The following CSTL1 variants were observed in gnomAD, a reference collection of about 807,000 sequenced individuals.
CSTL1 encodes cystatin-like 1.
CSTL1 carries 14 observed loss-of-function variants against 14.4 expected under a neutral mutation model. The ratio of observed to expected loss-of-function variants is 0.97; its 90% CI spans 0.64 to 1.52. CSTL1 has a LOEUF of 1.52. Among genes scored for constraint, CSTL1 ranks in the 40% most tolerant of loss-of-function variants. CSTL1 has a pLI of 0.00. For synonymous variants in CSTL1, 72 were observed against 67.5 expected, an observed-to-expected ratio of 1.07 and a Z score of -0.33; for missense variants, 170 against 168.7, an observed-to-expected ratio of 1.01 and a Z score of -0.04.
chr20:23,447,305 A>G (rs889006227), downstream of CSTL1, among the ~76,000 whole-genome samples: 3 of 152,090 alleles, frequency 2.0e-5, no homozygotes, highest in Non-Finnish European at 4.4e-5. Flanking sequence ...CACTTTCTTT[A>G]TTGTATAGAA....
chr20:23,441,922 G>A (rs371936672), intron 2 of CSTL1, among the ~76,000 whole-genome samples: 118 of 152,304 alleles, frequency 7.7e-4, no homozygotes, highest in African/African-American at 2.5e-3. Context: ...GGAGGGCAGC[G>A]TGGGGAGGAC....
chr20:23,450,820 G>A, the CSTL1 span, among the ~76,000 whole-genome samples: 1 of 152,168 alleles, frequency 6.6e-6, no homozygotes. Flanking sequence ...TAAAGTGTCT[G>A]CGCAGCCCAT....
At chr20:23,451,692 C>G in the CSTL1 span, 6 of 646,580 alleles carry the variant, frequency 9.3e-6, no homozygotes, top group South Asian at 1.1e-4. Flanking sequence ...GAGGTGTTAC[C>G]CATGCATTCT....
intron 2 of CSTL1, among the ~76,000 whole-genome samples, chr20:23,443,472 C>T (rs960301241): frequency 3.9e-5 from 6 of 152,034 alleles, no homozygotes; most frequent in East Asian, 1.9e-4. Flanking sequence ...CAAATCAATT[C>T]GATTCCAAAA....
At chr20:23,444,416 C>A (rs6048798) in intron 3 of CSTL1, among the ~76,000 whole-genome samples, 1 of 152,248 alleles carries the variant, frequency 6.6e-6, no homozygotes, top group Admixed American at 6.5e-5. Context: ...ATGAGTGGCA[C>A]CCCTTGAAAG....
In CSTL1 at chr20:23,440,303, G is replaced by C. The variant is rs1986796098; in HGVS notation, c.36G>C (p.Leu12=). 6.2e-7 allele frequency: 1 copy of C among 1,614,082 alleles called. No homozygotes were observed. Among genetic ancestry groups the C allele is most frequent in the Admixed American group, 1.7e-5 (1 of 60,002 alleles). Reference sequence around the variant, plus strand: ...GATGCTGGAGAAACCCCCTGCTGCTGCTGATTGCCCTGGTCCTGTCAGCCA... The same window carrying C: ...GATGCTGGAGAAACCCCCTGCTGCTCCTGATTGCCCTGGTCCTGTCAGCCA... ...GIGCWRNPLL[L]LIALVLSAKL... The change falls in exon 2 of 4, where the codon CTG becomes CTC. Residue 12 remains leucine, a synonymous_variant. Coordinates refer to ENST00000347397, the MANE Select transcript of CSTL1 (RefSeq NM_138283.1).
intron 2 of CSTL1, among the ~76,000 whole-genome samples, chr20:23,441,358 A>G (rs973246434): frequency 6.6e-6 from 1 of 152,226 alleles, no homozygotes; most frequent in Admixed American, 6.5e-5. Flanking sequence ...TTTCTCTGAA[A>G]TATATCAATT....
At position 23,440,169 on chromosome 20, in the gene CSTL1, T is replaced by G; in HGVS notation, c.-99T>G. ...GCAGGCCATCCCCCAGGAAAGCCTA[T>G]GTTGGTGAGGGTTATGATGGGAGAA... is the stretch of plus-strand genomic sequence containing the variant. On this transcript the variant is annotated 5_prime_UTR_variant, in exon 2 of 4. It removes an upstream start codon present in the reference 5' UTR. Coordinates refer to ENST00000347397, the MANE Select transcript of CSTL1 (RefSeq NM_138283.1). 3 of 1,238,168 alleles carry G rather than the reference T, an allele frequency of 2.4e-6. No homozygotes were observed. Among genetic ancestry groups the G allele is most frequent in the Non-Finnish European group, 3.5e-6 (3 of 856,924 alleles). The allele number at this position is 1,238,168 out of a possible 1,614,324, so 76.7% of individuals were successfully genotyped here.
chr20:23,453,380 T>C, the CSTL1 span, among the ~76,000 whole-genome samples: 7 of 152,142 alleles, frequency 4.6e-5, no homozygotes, highest in African/African-American at 1.2e-4. Flanking sequence ...ACACCGACGA[T>C]TCCCCAGTAC....
chr20:23,449,827 G>A (rs1987037167), downstream of CSTL1, among the ~76,000 whole-genome samples: 1 of 152,144 alleles, frequency 6.6e-6, no homozygotes, highest in African/African-American at 2.4e-5. Context: ...TCCTTCACGG[G>A]GGGCACATAT....
downstream of CSTL1, among the ~76,000 whole-genome samples, chr20:23,447,371 G>A (rs1174187164): frequency 6.6e-6 from 1 of 151,998 alleles, no homozygotes; most frequent in Non-Finnish European, 1.5e-5. Context: ...GTACTTTTGG[G>A]TCGTTTTCAG....
At chr20:23,455,631 C>T in the CSTL1 span, among the ~76,000 whole-genome samples, 6 of 152,224 alleles carry the variant, frequency 3.9e-5, no homozygotes, top group African/African-American at 1.2e-4. Context: ...TGTTCATCTC[C>T]GACCTCAGTG....
the CSTL1 span, among the ~76,000 whole-genome samples, chr20:23,457,035 G>A: frequency 6.6e-6 from 1 of 152,182 alleles, no homozygotes; most frequent in East Asian, 1.9e-4. Context: ...TCTGGGGTTA[G>A]GATGCGGACA....
chr20:23,446,955 C>A (rs989681475), downstream of CSTL1, among the ~76,000 whole-genome samples: 12 of 152,082 alleles, frequency 7.9e-5, no homozygotes, highest in South Asian at 4.2e-4. Context: ...GCGCAAAAAA[C>A]CCCACAAAAA....
At chr20:23,454,153 AAC>A in the CSTL1 span, among the ~76,000 whole-genome samples, 27 of 151,760 alleles carry the variant, frequency 1.8e-4, no homozygotes, top group Non-Finnish European at 3.4e-4. Context: ...CTCACACTGA[AAC>A]ACACATACTA....
Position 23,440,273 on chromosome 20 carries a change from G to A in CSTL1, c.6G>A (p.Gly2=). Residue 2 remains glycine (G), a synonymous_variant, in exon 2 of 4, where the codon GGG becomes GGA. Coordinates refer to ENST00000347397, the MANE Select transcript of CSTL1 (RefSeq NM_138283.1). ...AAGTTTCTGAGGCTGTAGACATGGG[G>A]ATCGGATGCTGGAGAAACCCCCTGC... is the stretch of plus-strand genomic sequence containing the variant. M[G]IGCWRNPLLL... The A allele has an allele frequency of 6.2e-7, 1 of 1,614,088 alleles. No homozygotes were observed. The highest frequency in any genetic ancestry group is 8.5e-7 in the Non-Finnish European group (1 of 1,180,026).
intron 3 of CSTL1, among the ~76,000 whole-genome samples, chr20:23,444,481 A>G (rs1986921566): frequency 6.6e-6 from 1 of 152,142 alleles, no homozygotes; most frequent in Admixed American, 6.5e-5. Flanking sequence ...GGAGGTAACG[A>G]TGCTATTGCT....
chr20:23,441,051 G>A (rs920321535), intron 2 of CSTL1, among the ~76,000 whole-genome samples: 1 of 152,180 alleles, frequency 6.6e-6, no homozygotes, highest in Non-Finnish European at 1.5e-5. Flanking sequence ...GAGATACCAC[G>A]CCCGGCCAGC....
the CSTL1 span, among the ~76,000 whole-genome samples, chr20:23,459,714 C>A: frequency 6.6e-6 from 1 of 152,364 alleles, no homozygotes; most frequent in Non-Finnish European, 1.5e-5. Context: ...ACAACTGTAT[C>A]TCCAGGGCCT....
Sources: gnomAD v4.1 joint callset for allele counts (sites outside exome capture counted in the v4.1 genomes callset) on GRCh38, gnomAD v4.1.1 for gene constraint, MANE v1.5 for transcripts, NCBI Gene and HGNC (gene_info 2026-07-23, HGNC 2026-07-21) for gene names.